RPS6KC1: variants seen among roughly 807,000 people sequenced by gnomAD.
RPS6KC1 encodes the protein inactive ribosomal protein S6 kinase delta-1.
RPS6KC1 carries 54 observed loss-of-function variants against 103.8 expected under a neutral mutation model. The ratio of observed to expected loss-of-function variants is 0.52; its 90% CI spans 0.42 to 0.65. The LOEUF (loss-of-function observed/expected upper bound fraction) is 0.65. RPS6KC1 is among the 30% of genes least tolerant of loss of function. The pLI, the probability that RPS6KC1 is intolerant of heterozygous loss-of-function variation, is 0.00. For synonymous variants in RPS6KC1, 439 were observed against 438.7 expected (o/e 1.00, Z -0.01); for missense variants, 1,151 against 1,253.8 (o/e 0.92, Z 1.24).
the RPS6KC1 span, among the ~76,000 whole-genome samples, chr1:213,307,826 A>G: frequency 3.4e-4 from 51 of 152,210 alleles, no homozygotes; most frequent in Middle Eastern, 0.01. Flanking sequence ...GACATGGTCA[A>G]TTTCTGGTCT....
At chr1:213,342,086 G>A in the RPS6KC1 span, among the ~76,000 whole-genome samples, 2 of 152,128 alleles carry the variant, frequency 1.3e-5, no homozygotes, top group African/African-American at 2.4e-5. Context: ...ACCTTCCATC[G>A]TTTATAGCTT....
chr1:213,736,076 T>C, the RPS6KC1 span, among the ~76,000 whole-genome samples: 2 of 152,216 alleles, frequency 1.3e-5, no homozygotes, highest in African/African-American at 2.4e-5. Flanking sequence ...GCAGGGACAG[T>C]AACCATGCCC....
chr1:213,748,129 C>T, the RPS6KC1 span, among the ~76,000 whole-genome samples: 1 of 152,262 alleles, frequency 6.6e-6, no homozygotes, highest in East Asian at 1.9e-4. Context: ...TGGAAGTGCT[C>T]ACAGATGGCC....
At chr1:213,402,871 G>A in the RPS6KC1 span, among the ~76,000 whole-genome samples, 2 of 151,524 alleles carry the variant, frequency 1.3e-5, no homozygotes, top group African/African-American at 2.4e-5. Context: ...TTTTTTGGGT[G>A]GGGGAGGCCG....
rs776312238 is a variant in RPS6KC1, at chr1:213,117,396, A to G, written c.458A>G (p.Glu153Gly). Residue 153 changes from glutamate (E) to glycine (G), a missense_variant, in exon 5 of 15, where the codon GAG becomes GGG. Glu to Gly is a moderately conservative substitution (Grantham distance 98). Transcript: ENST00000366960. ...GATTCCCTCATTGATACCTTTCCTG[A>G]GTGTAGTACGGAAGGTAAGAGATTT... ...HSDSLIDTFP[E>G]CSTEGFSSDS... 4 of 1,601,208 alleles carry G rather than the reference A, an allele frequency of 2.5e-6. No individual in the cohort carries two copies. The highest frequency in any genetic ancestry group is 3.4e-6 in the Non-Finnish European group (4 of 1,169,632).
the RPS6KC1 span, among the ~76,000 whole-genome samples, chr1:213,460,200 T>C: frequency 2.0e-5 from 3 of 152,164 alleles, no homozygotes; most frequent in African/African-American, 7.2e-5. Context: ...CCCATTATTA[T>C]TGTGTGGGAG....
At chr1:213,646,536 A>G in the RPS6KC1 span, among the ~76,000 whole-genome samples, 2 of 152,194 alleles carry the variant, frequency 1.3e-5, no homozygotes, top group Admixed American at 6.5e-5. Context: ...AGTCTAGGTC[A>G]GATACAGCTG....
At chr1:213,632,136 G>A in the RPS6KC1 span, among the ~76,000 whole-genome samples, 2 of 152,158 alleles carry the variant, frequency 1.3e-5, no homozygotes, top group African/African-American at 4.8e-5. Context: ...ACTTTTATCA[G>A]CGTTTGTTTA....
At chr1:213,086,186 T>C (rs1430660657) in intron 3 of RPS6KC1, among the ~76,000 whole-genome samples, 1 of 152,216 alleles carries the variant, frequency 6.6e-6, no homozygotes, top group African/African-American at 2.4e-5. Context: ...AAGGACACTG[T>C]AGGAAGTAGG....
the RPS6KC1 span, among the ~76,000 whole-genome samples, chr1:213,288,709 A>G: frequency 6.6e-6 from 1 of 152,212 alleles, no homozygotes; most frequent in South Asian, 2.1e-4. Flanking sequence ...GTGGTTGTAT[A>G]ACAGGACTGA....
At chr1:213,585,291 A>G in the RPS6KC1 span, among the ~76,000 whole-genome samples, 1 of 152,142 alleles carries the variant, frequency 6.6e-6, no homozygotes, top group Non-Finnish European at 1.5e-5. Flanking sequence ...AATCCTCATC[A>G]CACAGACTTT....
the RPS6KC1 span, among the ~76,000 whole-genome samples, chr1:213,357,811 T>C: frequency 6.6e-6 from 1 of 152,232 alleles, no homozygotes; most frequent in East Asian, 1.9e-4. Context: ...GGTTGTGGAT[T>C]CTGGCTGAGT....
At chr1:213,106,818 C>T (rs1175273826) in intron 4 of RPS6KC1, among the ~76,000 whole-genome samples, 2 of 152,164 alleles carry the variant, frequency 1.3e-5, no homozygotes, top group Non-Finnish European at 2.9e-5. Flanking sequence ...CCATCCCATA[C>T]TCTTCACTGG....
the RPS6KC1 span, among the ~76,000 whole-genome samples, chr1:213,437,054 G>A: frequency 6.6e-6 from 1 of 152,034 alleles, no homozygotes; most frequent in Non-Finnish European, 1.5e-5. Flanking sequence ...CACTGTTGAT[G>A]ATAATAGACA....
the RPS6KC1 span, among the ~76,000 whole-genome samples, chr1:213,788,495 CCCACCGAAAACAAAA>C: frequency 2.0e-5 from 3 of 152,056 alleles, no homozygotes; most frequent in Non-Finnish European, 2.9e-5. Context: ...AAAAGCAAAA[CCCACCGAAAACAAAA>C]CCACAGAAAT....
intron 5 of RPS6KC1, among the ~76,000 whole-genome samples, chr1:213,126,054 ATTTCCTTTCTTTTGTG>A (rs1323738987): frequency 1.3e-5 from 2 of 152,050 alleles, no homozygotes; most frequent in Non-Finnish European, 2.9e-5. Flanking sequence ...CTAATACAGC[ATTTCCTTTCTTTTGTG>A]ATTAGCTATA....
the RPS6KC1 span, among the ~76,000 whole-genome samples, chr1:213,827,174 C>G: frequency 6.6e-6 from 1 of 152,274 alleles, no homozygotes; most frequent in East Asian, 1.9e-4. Flanking sequence ...TTTTCTTAGA[C>G]TCCCACATGT....
chr1:213,270,782 A>G (rs1265161855), intron 14 of RPS6KC1, among the ~76,000 whole-genome samples: 2 of 152,206 alleles, frequency 1.3e-5, no homozygotes, highest in African/African-American at 4.8e-5. Flanking sequence ...ATGGGCGGAA[A>G]GTTAGATATT....
chr1:213,466,528 A>G, the RPS6KC1 span, among the ~76,000 whole-genome samples: 1 of 152,188 alleles, frequency 6.6e-6, no homozygotes, highest in African/African-American at 2.4e-5. Flanking sequence ...TGGCAACAGA[A>G]TGGCAAAGAG....
Sources: gnomAD v4.1 joint callset for allele counts (sites outside exome capture counted in the v4.1 genomes callset) on GRCh38, gnomAD v4.1.1 for gene constraint, MANE v1.5 for transcripts, NCBI Gene and HGNC (gene_info 2026-07-23, HGNC 2026-07-21) for gene names.